Variants in ELFN2 observed in about 807,000 individuals in gnomAD.
ELFN2 encodes the protein protein phosphatase 1 regulatory subunit 29.
ELFN2 carries 17 observed loss-of-function variants against 45.5 expected under a neutral mutation model. The ratio of observed to expected loss-of-function variants is 0.37; its 90% CI spans 0.26 to 0.56. The LOEUF (loss-of-function observed/expected upper bound fraction) is 0.56, where lower values mean the gene tolerates loss of function less well. ELFN2 is among the 20% of genes least tolerant of loss of function. The pLI, the probability that ELFN2 is intolerant of heterozygous loss-of-function variation, is 0.77. For synonymous variants in ELFN2, 550 were observed against 551.5 expected (o/e 1.00, Z 0.04); for missense variants, 922 against 1,183.2 (o/e 0.78, Z 3.24).
intron 1 of ELFN2, among the ~76,000 whole-genome samples, chr22:37,358,234 T>G (rs1235486045): frequency 6.6e-6 from 1 of 152,136 alleles, no homozygotes; most frequent in African/African-American, 2.4e-5. Flanking sequence ...TGTCACTCCG[T>G]GAACCTACAG....
At chr22:37,393,108 G>A (rs1932125669) in intron 2 of ELFN2, among the ~76,000 whole-genome samples, 2 of 152,196 alleles carry the variant, frequency 1.3e-5, no homozygotes, top group South Asian at 4.1e-4. Context: ...AGTGACAGCT[G>A]CTGTGTGACC....
In ELFN2 at chr22:37,369,713, C is replaced by T. The variant is rs539541355; in HGVS notation, c.*3359G>A. 1 of 152,556 alleles carries T rather than the reference C, an allele frequency of 6.6e-6. No homozygotes were observed. The highest frequency in any genetic ancestry group is 2.1e-4 in the South Asian group (1 of 4,828). 9.5% of individuals were successfully genotyped at this position (152,556 alleles called of 1,614,324 possible). A position where few individuals can be genotyped will look rare whatever the true frequency, so the allele number is the denominator to read the frequency against. ...AACAGCTTCAGAGGAGATTCTCCAA[C>T]AGAGGCAGGCAAGCCCAGGTGTGAC... On this transcript the variant is annotated 3_prime_UTR_variant, in exon 3 of 3. Coordinates refer to ENST00000402918, the MANE Select transcript of ELFN2 (RefSeq NM_052906.5).
At chr22:37,406,875 C>CA (rs941066926) in intron 2 of ELFN2, among the ~76,000 whole-genome samples, 3 of 152,192 alleles carry the variant, frequency 2.0e-5, no homozygotes, top group African/African-American at 7.2e-5. Context: ...AAGCAGGAGA[C>CA]AGAGTCCACT....
chr22:37,349,088 G>T (rs1930763451), intron 1 of ELFN2, among the ~76,000 whole-genome samples: 1 of 151,268 alleles, frequency 6.6e-6, no homozygotes, highest in African/African-American at 2.4e-5. Flanking sequence ...GCCTGGGCTG[G>T]GCCGGTTGAC....
chr22:37,426,650 AAC>A (rs3041620), intron 1 of ELFN2, among the ~76,000 whole-genome samples: 39 of 144,048 alleles, frequency 2.7e-4, no homozygotes, highest in East Asian at 1.1e-3. Flanking sequence ...CACACACACA[AAC>A]ACACACACAC....
chr22:37,358,257 C>G (rs1376707288), intron 1 of ELFN2, among the ~76,000 whole-genome samples: 1 of 152,112 alleles, frequency 6.6e-6, no homozygotes, highest in African/African-American at 2.4e-5. Context: ...AGTTCAAATC[C>G]CCCCCAGTCT....
chr22:37,416,646 C>T (rs190476427), intron 2 of ELFN2, among the ~76,000 whole-genome samples: 153 of 152,164 alleles, frequency 1.0e-3, no homozygotes, highest in Middle Eastern at 3.4e-3. Context: ...GCAGGGTCTC[C>T]GGTCTGTCCA....
In ELFN2 at chr22:37,345,812, C is replaced by T. The variant is rs576006446; in HGVS notation, n.149-3109G>A. ...CTGCCTGCCTCAGCCTCCCAAAGTG[C>T]TGGGATTACAGGCATGAGCCACCAC... On this transcript the variant is annotated intron_variant and non_coding_transcript_variant, in intron 1 of 2. Transcript: ENST00000452946. 1.8e-4 allele frequency among the ~76,000 whole-genome samples: 28 copies of T among 152,342 alleles called. No homozygotes were observed. The East Asian group carries it at 4.8e-3, about 26-fold the overall frequency.
chr22:37,392,511 G>A (rs1386819843), intron 2 of ELFN2, among the ~76,000 whole-genome samples: 2 of 151,954 alleles, frequency 1.3e-5, no homozygotes, highest in African/African-American at 2.4e-5. Context: ...GTAGAGACAG[G>A]GTTTCACCAT....
At position 37,427,343 on chromosome 22, in the gene ELFN2, G is replaced by C. The variant is rs1274542021; in HGVS notation, c.-659C>G. Reference sequence around the variant, plus strand: ...GGGCCAAGCACCGCCTCCGGGAAGCGGCGGCCGCGGGGCCTGCGCGTGTGA... The same window carrying C: ...GGGCCAAGCACCGCCTCCGGGAAGCCGCGGCCGCGGGGCCTGCGCGTGTGA... On this transcript the variant is annotated 5_prime_UTR_variant, in exon 1 of 3. Coordinates refer to ENST00000402918, the MANE Select transcript of ELFN2 (RefSeq NM_052906.5). The C allele has an allele frequency of 6.5e-6, 1 of 153,016 alleles. No individual in the cohort carries two copies. Among genetic ancestry groups the C allele is most frequent in the South Asian group, 2.1e-4 (1 of 4,856 alleles). The allele number at this position is 153,016 out of a possible 1,614,324, so 9.5% of individuals were successfully genotyped here.
intron 2 of ELFN2, among the ~76,000 whole-genome samples, chr22:37,398,530 T>C: frequency 6.6e-6 from 1 of 151,466 alleles, no homozygotes; most frequent in East Asian, 2.0e-4. Context: ...TAACTGACTG[T>C]CGCCTACCCT....
intron 1 of ELFN2, among the ~76,000 whole-genome samples, chr22:37,347,977 G>T (rs1463955871): frequency 6.6e-6 from 1 of 152,220 alleles, no homozygotes; most frequent in Non-Finnish European, 1.5e-5. Context: ...GATCTCTTGT[G>T]AAGGTGGGAG....
intron 2 of ELFN2, among the ~76,000 whole-genome samples, chr22:37,398,198 G>A (rs897974060): frequency 2.0e-5 from 3 of 152,120 alleles, no homozygotes; most frequent in African/African-American, 2.4e-5. Context: ...TGGAGCTAGC[G>A]CTCAGGCCTG....
At chr22:37,409,932 G>A (rs1932603698) in intron 2 of ELFN2, among the ~76,000 whole-genome samples, 1 of 152,154 alleles carries the variant, frequency 6.6e-6, no homozygotes, top group Admixed American at 6.5e-5. Context: ...GAGGCCTTGG[G>A]AACAGGCAGT....
intron 2 of ELFN2, among the ~76,000 whole-genome samples, chr22:37,381,316 GC>G (rs869245571): frequency 1.3e-5 from 1 of 75,266 alleles, no homozygotes; most frequent in Non-Finnish European, 3.0e-5. Context: ...TGGGTTTTCT[GC>G]CCCTGTCAGA....
chr22:37,342,058 A>G (rs1930571160), intron 2 of ELFN2, among the ~76,000 whole-genome samples: 1 of 151,960 alleles, frequency 6.6e-6, no homozygotes, highest in African/African-American at 2.4e-5. Flanking sequence ...TAGTCACCCC[A>G]ACCTGTCCCC....
chr22:37,375,064 G>A lies in ELFN2; in HGVS notation c.471C>T (p.Asp157=), dbSNP rs1240355618. 1.9e-6 allele frequency: 3 copies of A among 1,613,506 alleles called. No homozygotes were observed. Among genetic ancestry groups the A allele is most frequent in the African/African-American group, 1.3e-5 (1 of 74,902 alleles). ...FSECPSLISI[D]LSSNRLSRLD... ...GGCGGCTGAGGCGGTTGGAGGACAG[G>A]TCGATGCTGATGAGGCTCGGGCACT... is the stretch of plus-strand genomic sequence containing the variant. Residue 157 remains aspartate, a synonymous_variant, in exon 3 of 3, where the codon GAC becomes GAT. Transcript: ENST00000402918.
In ELFN2 at chr22:37,373,543, G is replaced by C. The variant is rs368780357; in HGVS notation, c.1992C>G (p.Ile664Met). ...TGLAKGDSKY[I>M]EKGSPLNSPL... is the part of the protein sequence containing the mutation. ...GGCTGTTGAGGGGGCTGCCCTTCTC[G>C]ATGTACTTGGAGTCGCCCTTAGCCA... Residue 664 changes from isoleucine to methionine, a missense_variant, in exon 3 of 3, where the codon ATC (isoleucine) becomes ATG (methionine). Physicochemically the swap from Ile to Met is conservative, Grantham distance 10. Coordinates refer to ENST00000402918, the MANE Select transcript of ELFN2 (RefSeq NM_052906.5). The C allele has an allele frequency of 7.5e-6, 12 of 1,590,104 alleles. No homozygotes were observed. In the African/African-American group the frequency reaches 1.3e-4, roughly 18 times the overall value.
chr22:37,406,434 T>A (rs1175512636), intron 2 of ELFN2, among the ~76,000 whole-genome samples: 1 of 151,888 alleles, frequency 6.6e-6, no homozygotes, highest in Non-Finnish European at 1.5e-5. Flanking sequence ...CAGGTGACCC[T>A]CCCTGGCGCT....
Sources: allele counts gnomAD v4.1 joint callset (sites outside exome capture counted in the v4.1 genomes callset), GRCh38; gene constraint gnomAD v4.1.1; transcripts MANE v1.5; gene names NCBI Gene and HGNC (gene_info 2026-07-23, HGNC 2026-07-21).